SHARPIN: variants seen among roughly 807,000 people sequenced by gnomAD.
The protein encoded by SHARPIN is SHANK associated RH domain interactor.
In SHARPIN, 25 loss-of-function variants were observed where a neutral mutation model predicts 40.3. The observed-to-expected ratio is 0.62, with a 90% CI of 0.45 to 0.87. SHARPIN has a LOEUF of 0.87. Ranked by LOEUF, SHARPIN falls within the 40% of genes least tolerant of loss-of-function variation. The probability of loss-of-function intolerance (pLI) is 0.00; values close to 1 mark genes in which losing one functional copy is unlikely to be tolerated. For missense variants in SHARPIN, 551 were observed against 516.1 expected (o/e 1.07, Z -0.66); for synonymous variants, 274 against 221.8 (o/e 1.24, Z -2.09).
At position 144,100,076 on chromosome 8, in the gene SHARPIN, G is replaced by C. The variant is rs778667823; in HGVS notation, c.377-7C>G. ...GGTGAGTTGCTCTTGCTGCCTAGAG[G>C]TAAGATATGGGTGTGCTGTGCTGTG... On this transcript the variant is annotated splice_region_variant and splice_polypyrimidine_tract_variant and intron_variant, in intron 2 of 8. Transcript: ENST00000398712. 9 of 1,566,018 alleles carry C rather than the reference G, an allele frequency of 5.7e-6. No individual in the cohort carries two copies. Among genetic ancestry groups the C allele is most frequent in the African/African-American group, 1.4e-5 (1 of 73,668 alleles).
At chr8:144,099,051 C>T (rs769601165) in intron 7 of SHARPIN, 30 bp downstream of exon 7, 9 of 1,577,272 alleles carry the variant, frequency 5.7e-6, no homozygotes, top group Non-Finnish European at 7.7e-6. Context: ...CATGGCTGTC[C>T]TGGCCCTCCC....
chr8:144,102,893 CACTCCAAGT>C, intron 2 of SHARPIN, 149 bp downstream of exon 2: 1 of 846,174 alleles, frequency 1.2e-6, no homozygotes, highest in Non-Finnish European at 1.9e-6. Context: ...CTCCAGCAGC[CACTCCAAGT>C]ACTCCAAGCT....
In SHARPIN at chr8:144,103,128, C is replaced by G. The variant is rs1354171732; in HGVS notation, c.299G>C (p.Ser100Thr). 10 of 1,613,328 alleles carry G rather than the reference C, an allele frequency of 6.2e-6. No individual in the cohort carries two copies. Among genetic ancestry groups the G allele is most frequent in the Non-Finnish European group, 8.5e-6 (10 of 1,179,914 alleles). ...TTCCTGAGGGTTGAGGAAGTGCAGG[C>G]TGAGGGTTCCAGGCCCTCCTGGTGG... is the stretch of plus-strand genomic sequence containing the variant. ...QPPPGGPGTL[S>T]LHFLNPQEAQ... is the part of the protein sequence containing the mutation. The change falls in exon 2 of 9, where the codon AGC becomes ACC. Residue 100 changes from serine (S) to threonine (T), a missense_variant. Transcript: ENST00000398712.
chr8:144,102,650 ACT>A (rs1286064158), intron 2 of SHARPIN: 5 of 289,512 alleles, frequency 1.7e-5, no homozygotes, highest in Non-Finnish European at 1.3e-5. Context: ...CCACTGCAGA[ACT>A]CTGTCTTAAG....
chr8:144,101,019 G>C (rs1467664232), intron 2 of SHARPIN, among the ~76,000 whole-genome samples: 1 of 151,818 alleles, frequency 6.6e-6, no homozygotes, highest in Non-Finnish European at 1.5e-5. Context: ...ATTTTTAGTA[G>C]AGACGGGATT....
intron 2 of SHARPIN, 124 bp downstream of exon 2, chr8:144,102,927 C>T (rs1233139490): frequency 2.5e-6 from 3 of 1,202,756 alleles, no homozygotes; most frequent in Non-Finnish European, 3.6e-6. Context: ...CAGGCTCCAC[C>T]TACTCCCTCC....
At chr8:144,099,484 C>T in intron 5 of SHARPIN, 26 bp downstream of exon 5, 2 of 1,609,632 alleles carry the variant, frequency 1.2e-6, no homozygotes, top group Non-Finnish European at 1.7e-6. Flanking sequence ...CTGCCCCTGG[C>T]AGGGCTCCCC....
chr8:144,099,969 C>G lies in SHARPIN; in HGVS notation c.477G>C (p.Glu159Asp). The G allele has an allele frequency of 6.2e-7, 1 of 1,612,962 alleles. No individual in the cohort carries two copies. The highest frequency in any genetic ancestry group is 8.5e-7 in the Non-Finnish European group (1 of 1,179,558). Residue 159 changes from glutamate to aspartate, a missense_variant, in exon 3 of 9, where the codon GAG (glutamate) becomes GAC (aspartate). Glu to Asp is a conservative substitution (Grantham distance 45, BLOSUM62 2). Transcript: ENST00000398712. ...EASTLKGPPP[E>D]ADLPRSPGNL... ...TTCCAGGGCTCCTAGGAAGATCTGC[C>G]TCAGGTGGAGGGCCCTTGAGTGTGG...
In SHARPIN at chr8:144,103,064, C is replaced by A. The variant is rs1241579219; in HGVS notation, c.363G>T (p.Val121=). The A allele has an allele frequency of 4.3e-6, 7 of 1,613,156 alleles. No individual in the cohort carries two copies. The South Asian group carries it at 6.6e-5, about 15-fold the overall frequency. Residue 121 remains valine, a synonymous_variant, in exon 2 of 9, where the codon GTG becomes GTT. Coordinates refer to ENST00000398712, the MANE Select transcript of SHARPIN (RefSeq NM_030974.4). The part of the protein sequence containing the change: ...RWAVLVRGAT[V]EGQNGSKSNS... ...CAGGGCACTGACCATTCTGTCCTTCCACGGTGGCACCTCGGACTAGGACTG... is the reference window on the plus strand; with the variant it reads ...CAGGGCACTGACCATTCTGTCCTTCAACGGTGGCACCTCGGACTAGGACTG...
At chr8:144,099,875 A>G (rs1461216165) in intron 3 of SHARPIN, 31 bp from the exon 4 acceptor site, 1 of 1,611,286 alleles carries the variant, frequency 6.2e-7, no homozygotes, top group Non-Finnish European at 8.5e-7. Context: ...AGCTGTCACC[A>G]CTGGGGACTA....
chr8:144,098,899 G>T lies in SHARPIN; in HGVS notation c.1143C>A (p.Pro381=), dbSNP rs1836223143. 2 of 1,589,736 alleles carry T rather than the reference G, an allele frequency of 1.3e-6. No individual in the cohort carries two copies. The highest frequency in any genetic ancestry group is 1.7e-6 in the Non-Finnish European group (2 of 1,172,028). Residue 381 remains proline, a synonymous_variant, in exon 8 of 9, where the codon CCC becomes CCA. Coordinates refer to ENST00000398712, the MANE Select transcript of SHARPIN (RefSeq NM_030974.4). ...CSTQRPCTWD[P]LAAAST ...GCTGCTAGGTGGAAGCTGCAGCAAG[G>T]GGGTCCCAAGTGCAGGGCCTCTGGG...
At chr8:144,101,810 G>C (rs1836293181) in intron 2 of SHARPIN, among the ~76,000 whole-genome samples, 1 of 152,070 alleles carries the variant, frequency 6.6e-6, no homozygotes. Context: ...AGCTCCAATA[G>C]GATGGGGATG....
chr8:144,103,566 G>C lies in SHARPIN; in HGVS notation c.188C>G (p.Ala63Gly). Reference sequence around the variant, plus strand: ...GCCCCCACTCACCGCCCCAGGTCCCGCGCCCAGCAGCTCCAGCCGGAAGCG... The same window carrying C: ...GCCCCCACTCACCGCCCCAGGTCCCCCGCCCAGCAGCTCCAGCCGGAAGCG... ...PGRFRLELLG[A>G]GPGAVNLEWP... Residue 63 changes from alanine to glycine, a missense_variant, in exon 1 of 9, where the codon GCG becomes GGG. By Grantham distance (60) the Ala-to-Gly change is moderately conservative. Coordinates refer to ENST00000398712, the MANE Select transcript of SHARPIN (RefSeq NM_030974.4). 1.3e-6 allele frequency: 2 copies of C among 1,531,096 alleles called. No homozygotes were observed. The highest frequency in any genetic ancestry group is 2.4e-5 in the South Asian group (2 of 83,850). 94.8% of individuals were successfully genotyped at this position (1,531,096 alleles called of 1,614,324 possible).
At chr8:144,099,893 T>TGGCCCCA in intron 3 of SHARPIN, 36 bp downstream of exon 3, 3 of 1,551,004 alleles carry the variant, frequency 1.9e-6, no homozygotes, top group Non-Finnish European at 2.6e-6. Context: ...CTATCTGCTA[T>TGGCCCCA]CCCCGAACCC....
rs1283103687 is a variant in SHARPIN at position 144,100,027 on chromosome 8, C to A, written c.419G>T (p.Cys140Phe). The A allele has an allele frequency of 6.3e-7, 1 of 1,597,916 alleles. No homozygotes were observed. Among genetic ancestry groups the A allele is most frequent in the Non-Finnish European group, 8.5e-7 (1 of 1,172,022 alleles). Reference sequence around the variant, plus strand: ...CGGGGGACTGGGCAGGGAGACAGGGCATGCTTCTGGGCCCAAGGCTGGTGG... The same window carrying A: ...CGGGGGACTGGGCAGGGAGACAGGGAATGCTTCTGGGCCCAAGGCTGGTGG... ...NSPPALGPEACPVSLPSPPEA... is the reference protein window; with the variant it reads ...NSPPALGPEAFPVSLPSPPEA... Residue 140 changes from cysteine (C) to phenylalanine (F), a missense_variant, in exon 3 of 9, where the codon TGC becomes TTC. Coordinates refer to ENST00000398712, the MANE Select transcript of SHARPIN (RefSeq NM_030974.4).
chr8:144,103,416 T>C (rs1031156134), intron 1 of SHARPIN, 137 bp downstream of exon 1: 25 of 1,112,386 alleles, frequency 2.2e-5, no homozygotes, highest in Non-Finnish European at 3.2e-5. Flanking sequence ...TCACCCCCAT[T>C]TCACGGACGA....
chr8:144,099,893 T>TGGCCCCACCCCCCCCCCCCCCCC, intron 3 of SHARPIN, 36 bp downstream of exon 3: 2 of 1,550,968 alleles, frequency 1.3e-6, no homozygotes, highest in Non-Finnish European at 1.8e-6. Context: ...CTATCTGCTA[T>TGGCCCCACCCCCCCCCCCCCCCC]CCCCGAACCC....
Position 144,099,082 on chromosome 8 carries a change from T to G in SHARPIN, c.1046A>C (p.Gln349Pro). ...PAASSLPSPL[Q>P]PSWSCPSCTF... ...CTCCCTGCCCAGTCCCGTGCCCACC[T>G]GGAGTGGACTGGGCAGGCTGGAGGC... is the stretch of plus-strand genomic sequence containing the variant. The change falls in exon 7 of 9, where the codon CAG (glutamine) becomes CCG (proline). Residue 349 changes from glutamine to proline, a missense_variant and splice_region_variant. Physicochemically the swap from Gln to Pro is moderately conservative, Grantham distance 76 (BLOSUM62 -1). Coordinates refer to ENST00000398712, the MANE Select transcript of SHARPIN (RefSeq NM_030974.4). 1 of 1,566,012 alleles carries G rather than the reference T, an allele frequency of 6.4e-7. No homozygotes were observed. Among genetic ancestry groups the G allele is most frequent in the Non-Finnish European group, 8.7e-7 (1 of 1,153,704 alleles).
chr8:144,103,327 T>C (rs747172393), intron 1 of SHARPIN, 102 bp from the exon 2 acceptor site: 2 of 1,340,660 alleles, frequency 1.5e-6, no homozygotes, highest in Non-Finnish European at 2.0e-6. Flanking sequence ...TACACGGTCC[T>C]AAGCCCTGTA....
Sources: gnomAD v4.1 joint callset for allele counts (sites outside exome capture counted in the v4.1 genomes callset) on GRCh38, gnomAD v4.1.1 for gene constraint, MANE v1.5 for transcripts, NCBI Gene and HGNC (gene_info 2026-07-23, HGNC 2026-07-21) for gene names.